PPARG: variants seen among roughly 807,000 people sequenced by gnomAD.
The protein encoded by PPARG is peroxisome proliferator-activated receptor gamma.
A neutral mutation model predicts 39.2 loss-of-function variants in PPARG; 17 were observed. The ratio of observed to expected loss-of-function variants is 0.43; its 90% CI spans 0.30 to 0.65. PPARG has a LOEUF of 0.65. Ranked by LOEUF, PPARG falls within the 30% of genes least tolerant of loss-of-function variation. PPARG has a pLI of 0.13. For missense variants in PPARG, 406 were observed against 585.9 expected (o/e 0.69, Z 3.17); for synonymous variants, 223 against 215.7 (o/e 1.03, Z -0.30).
intron 2 of PPARG, among the ~76,000 whole-genome samples, chr3:12,349,046 T>C (rs937123435): frequency 7.9e-5 from 12 of 152,188 alleles, no homozygotes; most frequent in African/African-American, 2.4e-4. Flanking sequence ...TAAACAAATA[T>C]ATTGTTTCTC....
chr3:12,322,779 CAG>C (rs1388694748), intron 2 of PPARG, among the ~76,000 whole-genome samples: 3 of 151,944 alleles, frequency 2.0e-5, no homozygotes, highest in Non-Finnish European at 4.4e-5. Flanking sequence ...ACAAGTGAAA[CAG>C]AGTTGGGTTT....
chr3:12,354,767 A>G (rs998822332), intron 2 of PPARG, among the ~76,000 whole-genome samples: 41 of 151,764 alleles, frequency 2.7e-4, no homozygotes, highest in Admixed American at 1.8e-3. Context: ...AAAAAAAAAA[A>G]AAAAGAAAAG....
intron 4 of PPARG, among the ~76,000 whole-genome samples, chr3:12,381,737 T>A (rs1393285189): frequency 1.9e-5 from 2 of 107,634 alleles, no homozygotes; most frequent in South Asian, 4.0e-4. Context: ...CCTAAGAAAG[T>A]GGATAAAAGT....
At chr3:12,317,550 G>A (rs2067819) in intron 2 of PPARG, among the ~76,000 whole-genome samples, 33,445 of 152,036 alleles carry the variant, frequency 0.22, 3,798 homozygotes, top group Admixed American at 0.27. Context: ...GTGATAGCAC[G>A]TAATTTACTA....
intron 7 of PPARG, among the ~76,000 whole-genome samples, chr3:12,419,085 C>T (rs1261891640): frequency 1.3e-5 from 2 of 152,098 alleles, no homozygotes; most frequent in Admixed American, 1.3e-4. Flanking sequence ...GCTGGGATTA[C>T]AGGCACATGC....
At chr3:12,314,480 A>C (rs535288440) in intron 2 of PPARG, among the ~76,000 whole-genome samples, 1 of 152,234 alleles carries the variant, frequency 6.6e-6, no homozygotes, top group Non-Finnish European at 1.5e-5. Flanking sequence ...TAGTGAGCTC[A>C]TATGCCCCTG....
intron 2 of PPARG, among the ~76,000 whole-genome samples, chr3:12,333,663 A>G (rs1227138686): frequency 6.6e-6 from 1 of 152,128 alleles, no homozygotes; most frequent in Non-Finnish European, 1.5e-5. Context: ...ACTCTCCCCC[A>G]TCATGCTTAT....
chr3:12,404,613 G>A (rs1013728466), intron 5 of PPARG, among the ~76,000 whole-genome samples: 9 of 152,140 alleles, frequency 5.9e-5, no homozygotes, highest in Admixed American at 5.9e-4. Flanking sequence ...AGACCCACCT[G>A]GACAACGTGG....
intron 7 of PPARG, among the ~76,000 whole-genome samples, chr3:12,426,911 G>A (rs73136795): frequency 0.085 from 12,983 of 152,228 alleles, 643 homozygotes; most frequent in Non-Finnish European, 0.11. Flanking sequence ...CACTCAGCTG[G>A]CAGTGTGCAC....
At chr3:12,431,592 AAAT>A (rs2051662114) in intron 7 of PPARG, among the ~76,000 whole-genome samples, 1 of 152,216 alleles carries the variant, frequency 6.6e-6, no homozygotes. Context: ...AAAAAGCAAA[AAAT>A]AGATAAACCT....
At chr3:12,353,029 C>G (rs2125097591) in intron 2 of PPARG, among the ~76,000 whole-genome samples, 1 of 152,252 alleles carries the variant, frequency 6.6e-6, no homozygotes, top group East Asian at 1.9e-4. Flanking sequence ...TGCAGTGCAA[C>G]AAATATCAAC....
intron 2 of PPARG, among the ~76,000 whole-genome samples, chr3:12,318,136 G>A (rs1258130309): frequency 6.6e-6 from 1 of 152,076 alleles, no homozygotes; most frequent in East Asian, 1.9e-4. Context: ...ACCGCACCTG[G>A]CTAATTGCTA....
intron 2 of PPARG, among the ~76,000 whole-genome samples, chr3:12,362,159 C>T (rs2048866689): frequency 6.6e-6 from 1 of 151,986 alleles, no homozygotes; most frequent in African/African-American, 2.4e-5. Flanking sequence ...TGAATATTGA[C>T]CTTGTACCCA....
chr3:12,364,988 A>G (rs1267328703), intron 2 of PPARG, among the ~76,000 whole-genome samples: 3 of 152,154 alleles, frequency 2.0e-5, no homozygotes, highest in Non-Finnish European at 2.9e-5. Context: ...GACCAGTTTC[A>G]TGGAAGACAG....
At chr3:12,315,093 G>A (rs2047354862) in intron 2 of PPARG, among the ~76,000 whole-genome samples, 1 of 152,076 alleles carries the variant, frequency 6.6e-6, no homozygotes, top group Non-Finnish European at 1.5e-5. Flanking sequence ...TTTGTGTCTG[G>A]TAACCAATCT....
intron 7 of PPARG, among the ~76,000 whole-genome samples, chr3:12,420,395 A>T (rs2051220397): frequency 6.6e-6 from 1 of 152,226 alleles, no homozygotes; most frequent in Non-Finnish European, 1.5e-5. Flanking sequence ...CCACTAAACA[A>T]ATTTCTGATC....
In PPARG at chr3:12,326,234, A is replaced by G. The variant is rs1190776318; in HGVS notation, c.-9+13781A>G. 3.9e-5 allele frequency among the ~76,000 whole-genome samples: 6 copies of G among 152,318 alleles called. No homozygotes were observed. The East Asian group carries it at 1.2e-3, about 29-fold the overall frequency. On this transcript the variant is annotated intron_variant, in intron 2 of 7. Coordinates refer to ENST00000651735, the MANE Select transcript of PPARG (RefSeq NM_138711.6). ...GTTGTAAAAACCCTGAAGTATGACA[A>G]TATAGTTTATTGCACTTATAGTTAG...
chr3:12,305,930 A>G (rs1190684831), intron 1 of PPARG: 1 of 152,260 alleles, frequency 6.6e-6, no homozygotes, highest in Non-Finnish European at 1.5e-5. Flanking sequence ...AATTAACTCA[A>G]GCACCAAATA....
chr3:12,351,808 T>C (rs1383624007), intron 2 of PPARG: 1 of 740,346 alleles, frequency 1.4e-6, no homozygotes, highest in African/African-American at 1.7e-5. Context: ...TTTTAATGCT[T>C]AGCTCGTTGC....
Sources: gnomAD v4.1 joint callset for allele counts (sites outside exome capture counted in the v4.1 genomes callset) on GRCh38, gnomAD v4.1.1 for gene constraint, MANE v1.5 for transcripts, NCBI Gene and HGNC (gene_info 2026-07-23, HGNC 2026-07-21) for gene names.